The following FAT2 variants were observed in gnomAD, a reference collection of about 807,000 sequenced individuals.
The protein encoded by FAT2 is FAT atypical cadherin 2, also known as protocadherin Fat 2.
Under a neutral mutation model 295.3 loss-of-function variants are expected in FAT2, and 150 were observed. That is an observed-to-expected ratio of 0.51 (90% CI 0.44 to 0.58). FAT2 has a LOEUF of 0.58. Among genes scored for constraint, FAT2 ranks in the 20% least tolerant of loss-of-function variants. The pLI, the probability that FAT2 is intolerant of heterozygous loss-of-function variation, is 0.00. For synonymous variants in FAT2, 2,026 were observed against 2,150.3 expected, an observed-to-expected ratio of 0.94 and a Z score of 1.60; for missense variants, 4,868 against 5,442.7, an observed-to-expected ratio of 0.89 and a Z score of 3.32.
At chr5:151,530,452 G>A (rs942128367) in intron 14 of FAT2, among the ~76,000 whole-genome samples, 10 of 152,110 alleles carry the variant, frequency 6.6e-5, no homozygotes, top group Admixed American at 5.9e-4. Context: ...CAATCCAAAC[G>A]ATGGAAAATT....
chr5:151,540,379 C>T (rs1311904400), intron 11 of FAT2, among the ~76,000 whole-genome samples, 188 bp downstream of exon 11: 1 of 151,506 alleles, frequency 6.6e-6, no homozygotes, highest in Non-Finnish European at 1.5e-5. Context: ...TCTCCTGCCC[C>T]TCAATCTCCC....
chr5:151,579,376 A>T (rs1176861769), intron 1 of FAT2, among the ~76,000 whole-genome samples: 1 of 152,164 alleles, frequency 6.6e-6, no homozygotes, highest in African/African-American at 2.4e-5. Flanking sequence ...GTTTGAGACC[A>T]GCTTAGGCAA....
chr5:151,512,772 TTTGTG>T lies in FAT2; in HGVS notation c.11464-171_11464-167del. ...AGAGCATAAAAACCCTCAAAGTGCT[TTTGTG>T]TTGATGGTCTCCTTTGTTCTCACCA... On this transcript the variant is annotated intron_variant, in intron 20 of 23. Transcript: ENST00000261800. The surrounding 1 kb of genome is among the most constrained non-coding windows in gnomAD (Gnocchi z 4.1). 1 of 645,280 alleles carries T rather than the reference TTTGTG, an allele frequency of 1.5e-6. No homozygotes were observed. The highest frequency in any genetic ancestry group is 2.7e-6 in the Non-Finnish European group (1 of 374,624). The allele number at this position is 645,280 out of a possible 1,614,324, so 40.0% of individuals were successfully genotyped here. A position where few individuals can be genotyped will look rare whatever the true frequency, so the allele number is the denominator to read the frequency against.
intron 20 of FAT2, among the ~76,000 whole-genome samples, chr5:151,515,857 G>T (rs1752813064): frequency 6.6e-6 from 1 of 152,126 alleles, no homozygotes; most frequent in South Asian, 2.1e-4. Flanking sequence ...TTTTAAAATA[G>T]ATCATTGCAA....
chr5:151,506,232 T>C, intron 23 of FAT2, 135 bp from the exon 24 acceptor site: 1 of 899,386 alleles, frequency 1.1e-6, no homozygotes, highest in Non-Finnish European at 1.6e-6. Context: ...GTGCAGGTTG[T>C]CTCTGTTGGC....
At chr5:151,556,974 A>G (rs1211985561) in intron 3 of FAT2, among the ~76,000 whole-genome samples, 1 of 152,182 alleles carries the variant, frequency 6.6e-6, no homozygotes, top group Non-Finnish European at 1.5e-5. Flanking sequence ...AGAGAACAGC[A>G]GAGATAATGT....
At position 151,531,667 on chromosome 5, in the gene FAT2, G is replaced by C. The variant is rs761269768; in HGVS notation, c.9731C>G (p.Thr3244Ser). The change falls in exon 14 of 24, where the codon ACT becomes AGT. Residue 3244 changes from threonine (T) to serine (S), a missense_variant. By Grantham distance (58) the Thr-to-Ser change is moderately conservative. This residue lies in a region of FAT2 where 1,046 missense variants were observed against 1,210.1 expected (regional missense o/e 0.86). Transcript: ENST00000261800. This position sits in a 1 kb window ranked among gnomAD's most constrained non-coding sequence, Gnocchi z 5.7. The stretch of plus-strand genomic sequence containing the variant: ...GCCGGTCTTCTCTGCGCCCGGGCGA[G>C]TGAGGGTGGCCAGCTGCAGCACCTC... ...GTEVLQLATLTRPGAEKTGYR... is the reference protein window; with the variant it reads ...GTEVLQLATLSRPGAEKTGYR... 1 of 1,613,814 alleles carries C rather than the reference G, an allele frequency of 6.2e-7. No homozygotes were observed. The highest frequency in any genetic ancestry group is 1.7e-5 in the Admixed American group (1 of 60,004).
At chr5:151,529,541 G>A in intron 14 of FAT2, 149 bp from the exon 15 acceptor site, 1 of 633,378 alleles carries the variant, frequency 1.6e-6, no homozygotes, top group Non-Finnish European at 2.8e-6. Context: ...ATCTCCCTTT[G>A]CTATCCCCTT....
chr5:151,525,563 A>C (rs1285805387), intron 18 of FAT2, among the ~76,000 whole-genome samples: 1 of 152,216 alleles, frequency 6.6e-6, no homozygotes, highest in Non-Finnish European at 1.5e-5. Context: ...TGTGTTCCTC[A>C]GTTTCCTCAT....
Position 151,545,094 on chromosome 5 carries a change from C to T in FAT2, c.6033G>A (p.Met2011Ile), listed in dbSNP as rs1756492898. 2 of 1,614,186 alleles carry T rather than the reference C, an allele frequency of 1.2e-6. No homozygotes were observed. The highest frequency in any genetic ancestry group is 1.7e-6 in the Non-Finnish European group (2 of 1,180,024). The change falls in exon 10 of 24, where the codon ATG (methionine) becomes ATA (isoleucine). Residue 2011 changes from methionine (M) to isoleucine (I), a missense_variant. By Grantham distance (10) the Met-to-Ile change is conservative. Coordinates refer to ENST00000261800, the MANE Select transcript of FAT2 (RefSeq NM_001447.3). ...LSYFLLNGTD[M>I]FHMVQSAGVL... ...CACCTGCTGACTGGACCATATGAAA[C>T]ATATCTGTGCCATTCAAGAGAAAGT... is the stretch of plus-strand genomic sequence containing the variant.
At chr5:151,565,647 A>AGGGCCCCCCC in intron 2 of FAT2, 26 bp downstream of exon 2, 6 of 1,461,022 alleles carry the variant, frequency 4.1e-6, no homozygotes, top group Non-Finnish European at 1.9e-6. Context: ...TGGCCCTGGC[A>AGGGCCCCCCC]CCCCACCCTA....
At chr5:151,548,330 A>G (rs1756856003) in intron 9 of FAT2, among the ~76,000 whole-genome samples, 1 of 151,744 alleles carries the variant, frequency 6.6e-6, no homozygotes, top group Non-Finnish European at 1.5e-5. Flanking sequence ...ATCATTAATT[A>G]TGTATTATAA....
chr5:151,553,881 C>T (rs1757450023), intron 5 of FAT2, among the ~76,000 whole-genome samples: 1 of 152,226 alleles, frequency 6.6e-6, no homozygotes, highest in Non-Finnish European at 1.5e-5. Context: ...GTGGTCGATT[C>T]ACCTGCCAGA....
At chr5:151,587,411 A>G (rs1313330467) in intron 1 of FAT2, among the ~76,000 whole-genome samples, 2 of 152,050 alleles carry the variant, frequency 1.3e-5, no homozygotes, top group Non-Finnish European at 2.9e-5. Context: ...TCCCCACCCA[A>G]TTTATAGGTT....
intron 15 of FAT2, 44 bp downstream of exon 15, chr5:151,529,134 C>A: frequency 1.3e-6 from 2 of 1,549,760 alleles, no homozygotes; most frequent in Non-Finnish European, 1.8e-6. Flanking sequence ...AAGAACCCAT[C>A]CCAGAGTTCT....
intron 4 of FAT2, 145 bp from the exon 5 acceptor site, chr5:151,554,818 G>T: frequency 4.4e-6 from 3 of 676,130 alleles, no homozygotes; most frequent in Admixed American, 2.9e-5. Flanking sequence ...TTGGAACTCA[G>T]CTCTCTGGCA....
intron 2 of FAT2, 36 bp from the exon 3 acceptor site, chr5:151,563,675 A>G: frequency 6.3e-7 from 1 of 1,580,288 alleles, no homozygotes; most frequent in Non-Finnish European, 8.7e-7. Flanking sequence ...AAAATACTTT[A>G]GAGCTCAAAG....
At chr5:151,569,744 G>C (rs1353759294) in intron 1 of FAT2, among the ~76,000 whole-genome samples, 1 of 152,238 alleles carries the variant, frequency 6.6e-6, no homozygotes, top group Non-Finnish European at 1.5e-5. Context: ...CAGGAACCAA[G>C]TTTAGCTATC....
chr5:151,528,350 C>G (rs982168965), intron 15 of FAT2, among the ~76,000 whole-genome samples: 1 of 152,164 alleles, frequency 6.6e-6, no homozygotes, highest in Admixed American at 6.5e-5. Context: ...CTCTTGCTAA[C>G]AGCATGCTAG....
Sources: allele counts gnomAD v4.1 joint callset (sites outside exome capture counted in the v4.1 genomes callset), GRCh38; gene constraint gnomAD v4.1.1; regional missense constraint gnomAD v4.1.1; non-coding constraint Gnocchi (gnomAD v3.1); transcripts MANE v1.5; gene names NCBI Gene and HGNC (gene_info 2026-07-23, HGNC 2026-07-21).